Variants in DRC11 observed in about 807,000 individuals in gnomAD.
DRC11 encodes IQ and AAA domain-containing protein 1.
At chr2:236,308,407 T>C in the DRC11 span, among the ~76,000 whole-genome samples, 1 of 152,252 alleles carries the variant, frequency 6.6e-6, no homozygotes, top group Non-Finnish European at 1.5e-5. This position sits in a 1 kb window ranked among gnomAD's most constrained non-coding sequence, Gnocchi z 6.0. Flanking sequence ...TGAGCCTCCA[T>C]GCAGCTGTGC....
At chr2:236,391,595 C>T in the DRC11 span, 332 of 213,582 alleles carry the variant, frequency 1.6e-3, 3 homozygotes, top group African/African-American at 6.8e-3. This position sits in a 1 kb window ranked among gnomAD's most constrained non-coding sequence, Gnocchi z 4.5. Flanking sequence ...CCTATGATTC[C>T]CTCACTCACA....
At chr2:236,384,016 A>G in the DRC11 span, among the ~76,000 whole-genome samples, 2 of 152,166 alleles carry the variant, frequency 1.3e-5, no homozygotes, top group African/African-American at 2.4e-5. Context: ...ATGGTTGCAT[A>G]GTATTCCATG....
At chr2:236,344,048 C>A in the DRC11 span, among the ~76,000 whole-genome samples, 1 of 144,632 alleles carries the variant, frequency 6.9e-6, no homozygotes, top group East Asian at 2.0e-4. Context: ...GGGAAATTTG[C>A]TGGTGATTTG....
the DRC11 span, among the ~76,000 whole-genome samples, chr2:236,375,280 G>A: frequency 6.6e-6 from 1 of 152,108 alleles, no homozygotes; most frequent in African/African-American, 2.4e-5. The surrounding 1 kb of genome is among the most constrained non-coding windows in gnomAD (Gnocchi z 4.2). Flanking sequence ...CATTGAAAAA[G>A]TTCAGAAGGG....
chr2:236,450,403 T>C, the DRC11 span, among the ~76,000 whole-genome samples: 167 of 132,896 alleles, frequency 1.3e-3, 2 homozygotes, highest in African/African-American at 4.3e-3. Context: ...CACTGCAACC[T>C]CCACCTCCGG....
chr2:236,504,775 C>T, the DRC11 span, among the ~76,000 whole-genome samples: 3 of 152,176 alleles, frequency 2.0e-5, no homozygotes, highest in South Asian at 4.1e-4. This position sits in a 1 kb window ranked among gnomAD's most constrained non-coding sequence, Gnocchi z 5.0. Flanking sequence ...TGAGTTCTCA[C>T]GAGATCGGAC....
chr2:236,360,561 T>C, the DRC11 span, among the ~76,000 whole-genome samples: 6 of 152,220 alleles, frequency 3.9e-5, no homozygotes, highest in Admixed American at 3.9e-4. The surrounding 1 kb of genome is among the most constrained non-coding windows in gnomAD (Gnocchi z 5.8). Context: ...CTGAAGAACT[T>C]AGTGCTTACA....
chr2:236,333,186 A>G, the DRC11 span: 1 of 152,224 alleles, frequency 6.6e-6, no homozygotes, highest in Non-Finnish European at 1.5e-5. This position sits in a 1 kb window ranked among gnomAD's most constrained non-coding sequence, Gnocchi z 6.0. Flanking sequence ...TGTTATTACA[A>G]TGACAATGAT....
the DRC11 span, chr2:236,364,101 C>T: frequency 7.6e-6 from 6 of 791,574 alleles, no homozygotes; most frequent in Admixed American, 8.4e-5. Flanking sequence ...GTGATAAAGG[C>T]GTCCAAAGCA....
chr2:236,497,234 C>T, the DRC11 span: 37 of 1,613,422 alleles, frequency 2.3e-5, no homozygotes, highest in East Asian at 2.2e-5. The surrounding 1 kb of genome is among the most constrained non-coding windows in gnomAD (Gnocchi z 5.1). Context: ...TCCACCATCT[C>T]GTTCTTCAGC....
At chr2:236,448,334 C>T in the DRC11 span, among the ~76,000 whole-genome samples, 3 of 152,230 alleles carry the variant, frequency 2.0e-5, no homozygotes, top group African/African-American at 7.2e-5. This position sits in a 1 kb window ranked among gnomAD's most constrained non-coding sequence, Gnocchi z 5.3. Flanking sequence ...TGAGCAAAAC[C>T]TTAAAGCAAG....
At chr2:236,340,803 G>A in the DRC11 span, among the ~76,000 whole-genome samples, 1 of 152,164 alleles carries the variant, frequency 6.6e-6, no homozygotes, top group East Asian at 1.9e-4. Context: ...AGCCTATCTG[G>A]ATGACAAACG....
the DRC11 span, among the ~76,000 whole-genome samples, chr2:236,494,106 T>C: frequency 6.6e-6 from 1 of 152,172 alleles, no homozygotes; most frequent in Non-Finnish European, 1.5e-5. The surrounding 1 kb of genome is among the most constrained non-coding windows in gnomAD (Gnocchi z 4.2). Context: ...CTTGCTTTAA[T>C]CATTACAGAA....
the DRC11 span, among the ~76,000 whole-genome samples, chr2:236,417,096 C>T: frequency 6.6e-6 from 1 of 151,750 alleles, no homozygotes; most frequent in Non-Finnish European, 1.5e-5. Flanking sequence ...TCTCGAACTC[C>T]TGACCTCAGG....
the DRC11 span, among the ~76,000 whole-genome samples, chr2:236,462,821 A>T: frequency 6.6e-6 from 1 of 152,202 alleles, no homozygotes; most frequent in South Asian, 2.1e-4. The surrounding 1 kb of genome is among the most constrained non-coding windows in gnomAD (Gnocchi z 6.4). Flanking sequence ...CTTGAAAGAG[A>T]GACATTTAAA....
At chr2:236,355,884 A>G in the DRC11 span, among the ~76,000 whole-genome samples, 1 of 151,950 alleles carries the variant, frequency 6.6e-6, no homozygotes, top group Non-Finnish European at 1.5e-5. Flanking sequence ...TTGGCCAGGC[A>G]CCTCTGCTGA....
chr2:236,346,804 G>C, the DRC11 span: 1 of 167,454 alleles, frequency 6.0e-6, no homozygotes, highest in East Asian at 1.9e-4. Flanking sequence ...AGAAACACCG[G>C]AAGTGGGTGA....
the DRC11 span, chr2:236,408,963 T>A: frequency 1.4e-6 from 1 of 709,454 alleles, no homozygotes; most frequent in Non-Finnish European, 2.6e-6. This position sits in a 1 kb window ranked among gnomAD's most constrained non-coding sequence, Gnocchi z 5.5. Flanking sequence ...GTGGACCGGC[T>A]TGGAAGGGTC....
chr2:236,440,537 A>C, the DRC11 span, among the ~76,000 whole-genome samples: 1 of 152,224 alleles, frequency 6.6e-6, no homozygotes, highest in South Asian at 2.1e-4. Context: ...CCACTGAAGC[A>C]TCTATAGAGA....
Sources: gnomAD v4.1 joint callset for allele counts (sites outside exome capture counted in the v4.1 genomes callset) on GRCh38, gnomAD v4.1.1 for gene constraint, Gnocchi (gnomAD v3.1) non-coding constraint, MANE v1.5 for transcripts, NCBI Gene and HGNC (gene_info 2026-07-23, HGNC 2026-07-21) for gene names.